The following CSMD1 variants were observed in gnomAD, a reference collection of about 807,000 sequenced individuals.
CSMD1 encodes CUB and Sushi multiple domains 1.
A neutral mutation model predicts 417.5 loss-of-function variants in CSMD1; 213 were observed. That is an observed-to-expected ratio of 0.51 (90% confidence interval 0.46 to 0.57). CSMD1 has a LOEUF of 0.57. Ranked by LOEUF, CSMD1 falls within the 20% of genes least tolerant of loss-of-function variation. The probability of loss-of-function intolerance (pLI) is 0.00; values close to 1 mark genes in which losing one functional copy is unlikely to be tolerated. For synonymous variants in CSMD1, 2,862 were observed against 1,736.8 expected (o/e 1.65, Z -16.11); for missense variants, 6,923 against 4,529.7 (o/e 1.53, Z -15.17).
chr8:4,104,611 A>C (rs978579156), intron 3 of CSMD1, among the ~76,000 whole-genome samples: 2 of 152,168 alleles, frequency 1.3e-5, no homozygotes, highest in African/African-American at 4.8e-5. Context: ...GGTCTGAATT[A>C]GAGTGTCTGG....
At chr8:3,070,252 A>T (rs1306811415) in intron 49 of CSMD1, among the ~76,000 whole-genome samples, 2 of 152,208 alleles carry the variant, frequency 1.3e-5, no homozygotes, top group Non-Finnish European at 2.9e-5. Context: ...TTAGTCATGT[A>T]AATTTCTCTA....
chr8:4,963,665 C>A (rs1017199319), intron 1 of CSMD1, among the ~76,000 whole-genome samples: 2 of 152,134 alleles, frequency 1.3e-5, no homozygotes, highest in Non-Finnish European at 2.9e-5. Flanking sequence ...TATGAATTTG[C>A]GTTGAAATTC....
chr8:3,849,403 C>A (rs140466345), intron 5 of CSMD1, among the ~76,000 whole-genome samples: 236 of 152,212 alleles, frequency 1.6e-3, no homozygotes, highest in African/African-American at 5.5e-3. Flanking sequence ...GAAGGACGGA[C>A]GAAAGGGAGT....
intron 5 of CSMD1, among the ~76,000 whole-genome samples, chr8:3,961,715 A>C (rs570216705): frequency 7.9e-5 from 12 of 152,344 alleles, no homozygotes; most frequent in African/African-American, 2.9e-4. Context: ...TGCGATACTC[A>C]TGGGAGCATT....
intron 1 of CSMD1, among the ~76,000 whole-genome samples, chr8:4,874,530 C>A (rs549751993): frequency 6.6e-6 from 1 of 151,268 alleles, no homozygotes; most frequent in African/African-American, 2.4e-5. Flanking sequence ...GCTGGGATTA[C>A]GGGTGCCTGC....
chr8:3,219,150 C>T lies in CSMD1; in HGVS notation c.4672+105G>A, dbSNP rs993796160. 3.4e-6 allele frequency: 3 copies of T among 869,728 alleles called. No homozygotes were observed. In the East Asian group the frequency reaches 8.3e-5, roughly 24 times the overall value. The allele number at this position is 869,728 out of a possible 1,614,324, so 53.9% of individuals were successfully genotyped here. A position where few individuals can be genotyped will look rare whatever the true frequency, so the allele number is the denominator to read the frequency against. The stretch of plus-strand genomic sequence containing the variant: ...CCCAGACAGAGGAGACACATATCAG[C>T]ATTTATGTATTAAACAGACAAGCAA... On this transcript the variant is annotated intron_variant, in intron 29 of 69. Transcript: ENST00000635120.
intron 26 of CSMD1, among the ~76,000 whole-genome samples, chr8:3,258,714 G>A (rs547026355): frequency 1.3e-5 from 2 of 152,256 alleles, no homozygotes; most frequent in South Asian, 4.2e-4. Context: ...GTGATAGACT[G>A]GATAAAGAAA....
At chr8:3,867,775 C>T (rs1805205437) in intron 5 of CSMD1, among the ~76,000 whole-genome samples, 1 of 152,124 alleles carries the variant, frequency 6.6e-6, no homozygotes, top group Non-Finnish European at 1.5e-5. Flanking sequence ...GGCCAGGCAG[C>T]TTCCTGTATA....
intron 2 of CSMD1, among the ~76,000 whole-genome samples, chr8:4,607,026 G>T (rs976092129): frequency 2.6e-5 from 4 of 152,250 alleles, no homozygotes; most frequent in Non-Finnish European, 5.9e-5. Flanking sequence ...CAGTGGTAAA[G>T]TTTGAAAATC....
At chr8:4,689,970 C>G (rs752986091) in intron 1 of CSMD1, among the ~76,000 whole-genome samples, 1 of 151,932 alleles carries the variant, frequency 6.6e-6, no homozygotes, top group African/African-American at 2.4e-5. Context: ...GTATTACTGC[C>G]GTAAGCGTAG....
intron 1 of CSMD1, among the ~76,000 whole-genome samples, chr8:4,723,511 T>C (rs932002827): frequency 6.6e-6 from 1 of 152,152 alleles, no homozygotes; most frequent in African/African-American, 2.4e-5. Flanking sequence ...TTGTATCTTG[T>C]AGGATCTGTG....
At chr8:3,475,337 T>C (rs760727845) in intron 11 of CSMD1, among the ~76,000 whole-genome samples, 1 of 152,158 alleles carries the variant, frequency 6.6e-6, no homozygotes, top group African/African-American at 2.4e-5. Flanking sequence ...CTCTAGTAAA[T>C]AACATAAACA....
intron 6 of CSMD1, among the ~76,000 whole-genome samples, chr8:3,714,395 T>A (rs1405599673): frequency 6.6e-6 from 1 of 150,670 alleles, no homozygotes; most frequent in Admixed American, 6.6e-5. Flanking sequence ...AATTCCATCA[T>A]ATATATTAAC....
intron 1 of CSMD1, among the ~76,000 whole-genome samples, chr8:4,989,104 A>G (rs1047290750): frequency 8.5e-5 from 13 of 152,200 alleles, no homozygotes; most frequent in Admixed American, 3.3e-4. Flanking sequence ...TGATTTTTAT[A>G]CCAATCAGTT....
chr8:4,757,311 C>T (rs992878815), intron 1 of CSMD1, among the ~76,000 whole-genome samples: 6 of 152,142 alleles, frequency 3.9e-5, no homozygotes, highest in Admixed American at 6.5e-5. Flanking sequence ...TAATCATAAC[C>T]TGGCTATCAT....
At chr8:4,671,481 T>C (rs1156860075) in intron 1 of CSMD1, among the ~76,000 whole-genome samples, 1 of 152,176 alleles carries the variant, frequency 6.6e-6, no homozygotes, top group African/African-American at 2.4e-5. Context: ...GAAAAGCCAC[T>C]GTTCTGGAAT....
intron 37 of CSMD1, among the ~76,000 whole-genome samples, chr8:3,169,907 C>T (rs1399975787): frequency 6.6e-6 from 1 of 152,194 alleles, no homozygotes; most frequent in Non-Finnish European, 1.5e-5. Context: ...GCTCTCTAGT[C>T]CTCTGTGGAT....
chr8:4,905,054 C>A (rs1220255773), intron 1 of CSMD1, among the ~76,000 whole-genome samples: 3 of 152,150 alleles, frequency 2.0e-5, no homozygotes, highest in African/African-American at 7.2e-5. Context: ...CCTTCTGAAG[C>A]TCTCAAACAT....
intron 3 of CSMD1, among the ~76,000 whole-genome samples, chr8:4,192,613 T>A (rs1273738163): frequency 1.3e-5 from 2 of 152,178 alleles, no homozygotes; most frequent in Non-Finnish European, 2.9e-5. Context: ...GAGAACAGGT[T>A]GGGCCACAGC....
Sources: gnomAD v4.1 joint callset for allele counts (sites outside exome capture counted in the v4.1 genomes callset) on GRCh38, gnomAD v4.1.1 for gene constraint, MANE v1.5 for transcripts, NCBI Gene and HGNC (gene_info 2026-07-23, HGNC 2026-07-21) for gene names.